ZMAT4: variants seen among roughly 807,000 people sequenced by gnomAD.
The protein encoded by ZMAT4 is zinc finger matrin-type 4, also known as zinc finger matrin-type protein 4.
A neutral mutation model predicts 28.7 loss-of-function variants in ZMAT4; 17 were observed. The observed-to-expected ratio is 0.59, with a 90% CI of 0.41 to 0.89. The LOEUF is 0.89. Among genes scored for constraint, ZMAT4 ranks in the 40% least tolerant of loss-of-function variants. The probability of loss-of-function intolerance (pLI) is 0.00; values close to 1 mark genes in which losing one functional copy is unlikely to be tolerated. For synonymous variants in ZMAT4, 117 were observed against 109.2 expected (o/e 1.07, Z -0.44); for missense variants, 240 against 283.8 (o/e 0.85, Z 1.11).
chr8:40,855,476 T>G (rs963179634), intron 1 of ZMAT4, among the ~76,000 whole-genome samples: 7 of 151,754 alleles, frequency 4.6e-5, no homozygotes, highest in African/African-American at 1.5e-4. Context: ...TCTGTAGGAG[T>G]AGAGAACCAA....
intron 1 of ZMAT4, among the ~76,000 whole-genome samples, chr8:40,844,169 A>T (rs1448868862): frequency 6.6e-6 from 1 of 152,240 alleles, no homozygotes. Context: ...TAAATAAAAT[A>T]ATAATTTACC....
chr8:40,619,688 G>T (rs762336242), intron 5 of ZMAT4, among the ~76,000 whole-genome samples: 1 of 152,212 alleles, frequency 6.6e-6, no homozygotes, highest in Non-Finnish European at 1.5e-5. Flanking sequence ...TTAGGGAAGA[G>T]CTCATGCCAG....
At position 40,618,508 on chromosome 8, in the gene ZMAT4, T is replaced by G. The variant is rs375782234; in HGVS notation, c.578-37247A>C. 1.9e-3 allele frequency among the ~76,000 whole-genome samples: 295 copies of G among 152,326 alleles called. 1 individual carries two copies. Among genetic ancestry groups the G allele is most frequent in the African/African-American group, 6.8e-3 (281 of 41,574 alleles). On this transcript the variant is annotated intron_variant, in intron 5 of 6. Coordinates refer to ENST00000297737, the MANE Select transcript of ZMAT4 (RefSeq NM_024645.3). Reference sequence around the variant, plus strand: ...CAATATCTTTTAAGAGGACGCAGTTTGTATTGACAGAAAATCAGGTAGTAT... The same window carrying G: ...CAATATCTTTTAAGAGGACGCAGTTGGTATTGACAGAAAATCAGGTAGTAT...
intron 5 of ZMAT4, among the ~76,000 whole-genome samples, chr8:40,613,939 A>G: frequency 6.6e-6 from 1 of 152,198 alleles, no homozygotes; most frequent in East Asian, 1.9e-4. Flanking sequence ...CCTGAACAAA[A>G]GAATGCCCCT....
At chr8:40,768,557 A>G (rs1813256780) in intron 2 of ZMAT4, among the ~76,000 whole-genome samples, 1 of 152,190 alleles carries the variant, frequency 6.6e-6, no homozygotes, top group East Asian at 1.9e-4. Context: ...AAGAGTCATC[A>G]CACATTCAGA....
chr8:40,757,723 T>TG (rs1183304258), intron 3 of ZMAT4, among the ~76,000 whole-genome samples: 1 of 152,124 alleles, frequency 6.6e-6, no homozygotes, highest in Non-Finnish European at 1.5e-5. Context: ...CCTCTTGCGA[T>TG]GGTTAATATT....
At chr8:40,849,141 C>A (rs1244336790) in intron 1 of ZMAT4, among the ~76,000 whole-genome samples, 4 of 152,240 alleles carry the variant, frequency 2.6e-5, no homozygotes. Context: ...CAGCCAGGAA[C>A]CTAGCCTGCA....
rs1311210345 is a variant in ZMAT4 at position 40,550,508 on chromosome 8, C to T, written c.675-18270G>A. 2.0e-5 allele frequency among the ~76,000 whole-genome samples: 3 copies of T among 152,328 alleles called. No homozygotes were observed. The East Asian group carries it at 5.8e-4, about 29-fold the overall frequency. On this transcript the variant is annotated intron_variant, in intron 6 of 6. Coordinates refer to ENST00000297737, the MANE Select transcript of ZMAT4 (RefSeq NM_024645.3). ...CTGATATGGTTTGGCTCTGTGTCTC[C>T]ACCCAAATCTCACCTTGAATTGTAA...
intron 3 of ZMAT4, among the ~76,000 whole-genome samples, chr8:40,707,214 G>GACCCCCCCCCCCC (rs1810395891): frequency 1.1e-5 from 1 of 87,130 alleles, no homozygotes. Context: ...CTTCAGGCCT[G>GACCCCCCCCCCCC]CCCCCCCACC....
intron 1 of ZMAT4, among the ~76,000 whole-genome samples, chr8:40,872,658 A>C (rs907342232): frequency 6.6e-6 from 1 of 151,990 alleles, no homozygotes; most frequent in African/African-American, 2.4e-5. Context: ...CCCTCACTCC[A>C]CACCCCCTCA....
intron 5 of ZMAT4, among the ~76,000 whole-genome samples, chr8:40,622,099 CA>C (rs1201193114): frequency 6.6e-6 from 1 of 152,168 alleles, no homozygotes; most frequent in African/African-American, 2.4e-5. Flanking sequence ...ATTCCCAATA[CA>C]TGAAAGCACA....
intron 1 of ZMAT4, among the ~76,000 whole-genome samples, chr8:40,891,349 G>A (rs2150671760): frequency 6.7e-6 from 1 of 149,562 alleles, no homozygotes; most frequent in East Asian, 2.0e-4. Context: ...TCACCACGTT[G>A]GCCACCCTGC....
At chr8:40,816,974 C>T (rs904577675) in intron 2 of ZMAT4, among the ~76,000 whole-genome samples, 2 of 152,140 alleles carry the variant, frequency 1.3e-5, no homozygotes, top group Non-Finnish European at 2.9e-5. Context: ...AGGGAAACTT[C>T]TCAGTTGAGC....
At chr8:40,539,160 T>C (rs1057317741) in intron 6 of ZMAT4, among the ~76,000 whole-genome samples, 11 of 152,208 alleles carry the variant, frequency 7.2e-5, no homozygotes, top group Middle Eastern at 3.2e-3. Context: ...ATGTACTGTC[T>C]GTGTCCTCTT....
At chr8:40,667,429 C>T (rs1027832674) in intron 5 of ZMAT4, among the ~76,000 whole-genome samples, 5 of 152,196 alleles carry the variant, frequency 3.3e-5, no homozygotes, top group Non-Finnish European at 7.3e-5. Flanking sequence ...GCTGGGATTA[C>T]AGGTGTGAGC....
At chr8:40,875,256 AC>A (rs1216338558) in intron 1 of ZMAT4, among the ~76,000 whole-genome samples, 1 of 151,806 alleles carries the variant, frequency 6.6e-6, no homozygotes, top group Non-Finnish European at 1.5e-5. Flanking sequence ...ACACATACAA[AC>A]TCTTGTCCAG....
At chr8:40,881,524 GAGACAGAAAGAA>G (rs1818246392) in intron 1 of ZMAT4, among the ~76,000 whole-genome samples, 1 of 48,262 alleles carries the variant, frequency 2.1e-5, no homozygotes, top group Non-Finnish European at 4.0e-5. Context: ...GGGAGAGAGA[GAGACAGAAAGAA>G]AGAAAGAAAG....
At position 40,717,196 on chromosome 8, in the gene ZMAT4, A is replaced by G. The variant is rs1563432410; in HGVS notation, c.193-19795T>C. Among the ~76,000 whole-genome samples the G allele has an allele frequency of 1.3e-5, 2 of 152,322 alleles. 1 individual carries two copies. Among genetic ancestry groups the G allele is most frequent in the South Asian group, 4.1e-4 (2 of 4,826 alleles). ...ACACAATGAAGGTCCTTAAGTCCCA[A>G]TTTGAAGGACCCAGATGGAAAGTAT... is the stretch of plus-strand genomic sequence containing the variant. On this transcript the variant is annotated intron_variant, in intron 3 of 6. Transcript: ENST00000297737.
intron 2 of ZMAT4, among the ~76,000 whole-genome samples, chr8:40,822,768 A>G (rs531689907): frequency 1.3e-5 from 2 of 152,330 alleles, no homozygotes; most frequent in Admixed American, 1.3e-4. Context: ...TCTGCCTGGA[A>G]GAAGGGAGGG....
Sources: allele counts gnomAD v4.1 joint callset (sites outside exome capture counted in the v4.1 genomes callset), GRCh38; gene constraint gnomAD v4.1.1; transcripts MANE v1.5; gene names NCBI Gene and HGNC (gene_info 2026-07-23, HGNC 2026-07-21).